Variants in GOLGA3 observed in about 807,000 individuals in gnomAD.
GOLGA3 encodes the protein golgin A3.
A neutral mutation model predicts 169.4 loss-of-function variants in GOLGA3; 75 were observed. That is an observed-to-expected ratio of 0.44 (90% CI 0.37 to 0.54). The LOEUF (loss-of-function observed/expected upper bound fraction) is 0.54, where lower values mean the gene tolerates loss of function less well. GOLGA3 is among the 20% of genes least tolerant of loss of function. The pLI, the probability that GOLGA3 is intolerant of heterozygous loss-of-function variation, is 0.00. For synonymous variants in GOLGA3, 824 were observed against 822.4 expected (o/e 1.00, Z -0.03); for missense variants, 1,899 against 1,930.0 (o/e 0.98, Z 0.30).
Position 132,808,294 on chromosome 12 carries a change from A to G in GOLGA3, c.775T>C (p.Ser259Pro). The change falls in exon 5 of 24, where the codon TCT (serine) becomes CCT (proline). Residue 259 changes from serine (S) to proline (P), a missense_variant. Transcript: ENST00000450791. ...YRTEDSNAGNSGGNVPAPDST... is the reference protein window; with the variant it reads ...YRTEDSNAGNPGGNVPAPDST... Reference sequence around the variant, plus strand: ...TCGGGAGCCGGGACATTTCCCCCAGAATTCCCCGCATTTGAATCTTCAGTT... The same window carrying G: ...TCGGGAGCCGGGACATTTCCCCCAGGATTCCCCGCATTTGAATCTTCAGTT... The G allele has an allele frequency of 6.2e-7, 1 of 1,613,990 alleles. No homozygotes were observed. The highest frequency in any genetic ancestry group is 2.2e-5 in the East Asian group (1 of 44,848).
intron 11 of GOLGA3, among the ~76,000 whole-genome samples, chr12:132,793,906 G>T (rs1948683690): frequency 6.6e-6 from 1 of 152,206 alleles, no homozygotes; most frequent in Non-Finnish European, 1.5e-5. Flanking sequence ...AGCTTGTTTA[G>T]GGCCTAGGTT....
At position 132,778,312 on chromosome 12, in the gene GOLGA3, C is replaced by T. The variant is rs544149209; in HGVS notation, c.3583-507G>A. Among the ~76,000 whole-genome samples the T allele has an allele frequency of 1.3e-4, 19 of 151,112 alleles. No individual in the cohort carries two copies. The East Asian group carries it at 2.6e-3, about 21-fold the overall frequency. Reference sequence around the variant, plus strand: ...TAAATAGGCCAGGCGTGGCGGCTCACGCCTGTAATCCCAGCACTGTGGGAG... The same window carrying T: ...TAAATAGGCCAGGCGTGGCGGCTCATGCCTGTAATCCCAGCACTGTGGGAG... On this transcript the variant is annotated intron_variant, in intron 18 of 23. Transcript: ENST00000450791.
chr12:132,780,846 C>T lies in GOLGA3; in HGVS notation c.3534G>A (p.Gln1178=), dbSNP rs1175937257. 1 of 1,612,418 alleles carries T rather than the reference C, an allele frequency of 6.2e-7. No homozygotes were observed. Among genetic ancestry groups the T allele is most frequent in the Non-Finnish European group, 8.5e-7 (1 of 1,179,992 alleles). The part of the protein sequence containing the change: ...RQMKHLVQAL[Q]ASLEKEKEKV... ...TCTCCTTCTCCTTCTCTAGTGAGGC[C>T]TGCAGGGCCTGGACAAGATGCTTCA... The change falls in exon 18 of 24, where the codon CAG becomes CAA. Residue 1178 remains glutamine, a synonymous_variant. Transcript: ENST00000450791.
At chr12:132,826,001 CA>C in intron 1 of GOLGA3, 1 of 1,128,308 alleles carries the variant, frequency 8.9e-7, no homozygotes, top group Non-Finnish European at 1.4e-6. Flanking sequence ...CAAGTACAAC[CA>C]CTTCGAGAAG....
At chr12:132,818,822 C>A (rs1950095489) in intron 2 of GOLGA3, among the ~76,000 whole-genome samples, 1 of 152,028 alleles carries the variant, frequency 6.6e-6, no homozygotes, top group South Asian at 2.1e-4. Context: ...AGAGACAGCC[C>A]AGAACCGCGC....
rs1015740446 is a variant in GOLGA3, at chr12:132,770,339, A to G, written c.*2766T>C. ...TCAGATCCAGAAGCACAAGCCGTGC[A>G]TGAAAACACCAAAAGACTCACTGCA... On this transcript the variant is annotated 3_prime_UTR_variant, in exon 24 of 24. Coordinates refer to ENST00000450791, the MANE Select transcript of GOLGA3 (RefSeq NM_001389683.1). 2 of 150,614 alleles carry G rather than the reference A, an allele frequency of 1.3e-5. No individual in the cohort carries two copies. The highest frequency in any genetic ancestry group is 1.9e-4 in the East Asian group (1 of 5,138). 9.3% of individuals were successfully genotyped at this position (150,614 alleles called of 1,614,324 possible). A position where few individuals can be genotyped will look rare whatever the true frequency, so the allele number is the denominator to read the frequency against.
intron 13 of GOLGA3, among the ~76,000 whole-genome samples, 170 bp downstream of exon 13, chr12:132,788,857 G>C (rs1216663376): frequency 4.6e-5 from 7 of 151,420 alleles, no homozygotes; most frequent in African/African-American, 1.5e-4. Flanking sequence ...CTTGTTCCCA[G>C]CTGTTCTTCC....
intron 3 of GOLGA3, among the ~76,000 whole-genome samples, chr12:132,814,951 C>G (rs1949888956): frequency 6.6e-6 from 1 of 152,222 alleles, no homozygotes. Context: ...AAGCCATCAG[C>G]AGACACCGCC....
chr12:132,822,480 A>C (rs543847959), intron 1 of GOLGA3, among the ~76,000 whole-genome samples, 169 bp from the exon 2 acceptor site: 20 of 152,368 alleles, frequency 1.3e-4, no homozygotes, highest in African/African-American at 4.6e-4. Context: ...TTTGAGGCTA[A>C]GATGCTGACC....
intron 21 of GOLGA3, 88 bp from the exon 22 acceptor site, chr12:132,775,393 C>G (rs556166434): frequency 3.5e-6 from 4 of 1,138,544 alleles, no homozygotes; most frequent in Middle Eastern, 2.0e-4. Flanking sequence ...AGGTTAAGCA[C>G]ACACATGTCC....
In GOLGA3 at chr12:132,804,942, G is replaced by A. The variant is rs1405407270; in HGVS notation, c.1371C>T (p.His457=). Residue 457 remains histidine, a synonymous_variant, in exon 7 of 24, where the codon CAC becomes CAT. Coordinates refer to ENST00000450791, the MANE Select transcript of GOLGA3 (RefSeq NM_001389683.1). This position sits in a 1 kb window ranked among gnomAD's most constrained non-coding sequence, Gnocchi z 4.1. ...TKLQAQVECS[H]SSQQRQDSLS... is the part of the protein sequence containing the mutation. ...GCGAATCCTGCCGCTGCTGGCTGCT[G>A]TGGCTGCACTCCACCTGCGCCTGCA... is the stretch of plus-strand genomic sequence containing the variant. 1 of 1,613,404 alleles carries A rather than the reference G, an allele frequency of 6.2e-7. No individual in the cohort carries two copies. Among genetic ancestry groups the A allele is most frequent in the Non-Finnish European group, 8.5e-7 (1 of 1,180,008 alleles).
intron 4 of GOLGA3, among the ~76,000 whole-genome samples, chr12:132,809,270 G>A (rs1255897055): frequency 1.3e-5 from 2 of 152,200 alleles, no homozygotes; most frequent in East Asian, 1.9e-4. Context: ...GGAACATGAA[G>A]GCAGACTAGG....
Position 132,798,490 on chromosome 12 carries a change from A to G in GOLGA3, c.1801-13T>C. ...TCATCTGTCCAACCTTAAAAAAAAA[A>G]CCCACAAAGTAAAAAGTTGCTCAAT... On this transcript the variant is annotated splice_polypyrimidine_tract_variant and intron_variant, in intron 8 of 23. Transcript: ENST00000450791. 6.3e-7 allele frequency: 1 copy of G among 1,584,004 alleles called. No individual in the cohort carries two copies. Among genetic ancestry groups the G allele is most frequent in the South Asian group, 1.2e-5 (1 of 85,696 alleles).
chr12:132,777,798 G>A lies in GOLGA3; in HGVS notation c.3590C>T (p.Ala1197Val). The change falls in exon 19 of 24, where the codon GCT becomes GTT. Residue 1197 changes from alanine to valine, a missense_variant. Ala to Val is a moderately conservative substitution (Grantham distance 64). Transcript: ENST00000450791. This position sits in a 1 kb window ranked among gnomAD's most constrained non-coding sequence, Gnocchi z 4.7. ...KVNSLKEQVAAAKVEAGHNRR... is the reference protein window; with the variant it reads ...KVNSLKEQVAVAKVEAGHNRR... ...GTTATGCCCGGCTTCCACCTTGGCAGCAGCCACCTAGGAGGAAGGAAGCCA... is the reference window on the plus strand; with the variant it reads ...GTTATGCCCGGCTTCCACCTTGGCAACAGCCACCTAGGAGGAAGGAAGCCA... 3.1e-6 allele frequency: 5 copies of A among 1,613,484 alleles called. No individual in the cohort carries two copies. Among genetic ancestry groups the A allele is most frequent in the Non-Finnish European group, 4.2e-6 (5 of 1,179,846 alleles).
intron 22 of GOLGA3, 145 bp downstream of exon 22, chr12:132,774,996 C>A (rs1282961411): frequency 1.6e-6 from 1 of 628,492 alleles, no homozygotes; most frequent in African/African-American, 1.8e-5. Flanking sequence ...TCTGTCACCC[C>A]ATTACCACTG....
intron 2 of GOLGA3, among the ~76,000 whole-genome samples, chr12:132,821,489 C>T (rs554730986): frequency 3.3e-5 from 5 of 152,024 alleles, no homozygotes; most frequent in African/African-American, 1.2e-4. Context: ...GCTGCTGCCC[C>T]ACACGTTTAA....
chr12:132,798,413 T>A lies in GOLGA3; in HGVS notation c.1865A>T (p.Gln622Leu). 1 of 1,613,644 alleles carries A rather than the reference T, an allele frequency of 6.2e-7. No homozygotes were observed. The highest frequency in any genetic ancestry group is 1.1e-5 in the South Asian group (1 of 91,072). Reference sequence around the variant, plus strand: ...CCTGTGCTGAGTTTCCGTCAGCTGCTGGGACAGGGACACATTCTCGAGTTT... The same window carrying A: ...CCTGTGCTGAGTTTCCGTCAGCTGCAGGGACAGGGACACATTCTCGAGTTT... ...HLKLENVSLS[Q>L]QLTETQHRSM... is the part of the protein sequence containing the mutation. Residue 622 changes from glutamine to leucine, a missense_variant, in exon 9 of 24, where the codon CAG (glutamine) becomes CTG (leucine). Transcript: ENST00000450791.
At chr12:132,800,314 T>C (rs1217097047) in intron 8 of GOLGA3, among the ~76,000 whole-genome samples, 1 of 151,874 alleles carries the variant, frequency 6.6e-6, no homozygotes, top group Non-Finnish European at 1.5e-5. Flanking sequence ...GCCAATATGG[T>C]GAAACCCCAT....
In GOLGA3 at chr12:132,804,545, C is replaced by T. The variant is rs529793604; in HGVS notation, c.1597+171G>A. Among the ~76,000 whole-genome samples, 6 of 151,546 alleles carry T rather than the reference C, an allele frequency of 4.0e-5. No individual in the cohort carries two copies. The South Asian group carries it at 8.4e-4, about 21-fold the overall frequency. ...GACCAGTCAGGGAAGGAGGGCGTGG[C>T]GGGGACCAGTCGAGGAAGGAGGGAG... is the stretch of plus-strand genomic sequence containing the variant. On this transcript the variant is annotated intron_variant, in intron 7 of 23. Transcript: ENST00000450791. The surrounding 1 kb of genome is among the most constrained non-coding windows in gnomAD (Gnocchi z 4.1).
Sources: gnomAD v4.1 joint callset for allele counts (sites outside exome capture counted in the v4.1 genomes callset) on GRCh38, gnomAD v4.1.1 for gene constraint, Gnocchi (gnomAD v3.1) non-coding constraint, MANE v1.5 for transcripts, NCBI Gene and HGNC (gene_info 2026-07-23, HGNC 2026-07-21) for gene names.